The following RBM19 variants were observed in gnomAD, a reference collection of about 807,000 sequenced individuals.
RBM19 encodes the protein probable RNA-binding protein 19.
Under a neutral mutation model 116.8 loss-of-function variants are expected in RBM19, and 94 were observed. That is an observed-to-expected ratio of 0.80 (90% confidence interval 0.68 to 0.95). The LOEUF (loss-of-function observed/expected upper bound fraction) is 0.95. RBM19 is among the 40% of genes least tolerant of loss of function. RBM19 has a pLI of 0.00. For synonymous variants in RBM19, 475 were observed against 494.1 expected (o/e 0.96, Z 0.51); for missense variants, 1,161 against 1,220.7 (o/e 0.95, Z 0.73).
At chr12:113,947,499 C>T (rs371071250) in intron 10 of RBM19, 35 bp from the exon 11 acceptor site, 43 of 1,566,708 alleles carry the variant, frequency 2.7e-5, no homozygotes, top group Middle Eastern at 1.7e-4. Flanking sequence ...TCTGGTAGGC[C>T]GCAGCCACTT....
intron 21 of RBM19, among the ~76,000 whole-genome samples, chr12:113,909,539 G>A (rs1566010596): frequency 6.6e-6 from 1 of 152,182 alleles, no homozygotes; most frequent in Admixed American, 6.5e-5. Flanking sequence ...TGGCTGGAAG[G>A]CAACGTGAAC....
chr12:113,822,544 G>A lies in RBM19; in HGVS notation c.*680C>T, dbSNP rs1344416355. On this transcript the variant is annotated 3_prime_UTR_variant, in exon 24 of 24. Coordinates refer to ENST00000261741, the MANE Select transcript of RBM19 (RefSeq NM_016196.4). ...GGCTTCCCTGGGTGACTGAACCAGG[G>A]CTCGTGGTCCCAAGTGACGAGGATG... The A allele has an allele frequency of 6.6e-6, 1 of 152,178 alleles. No individual in the cohort carries two copies. Among genetic ancestry groups the A allele is most frequent in the African/African-American group, 2.4e-5 (1 of 41,416 alleles). The allele number at this position is 152,178 out of a possible 1,614,324, so 9.4% of individuals were successfully genotyped here. A position where few individuals can be genotyped will look rare whatever the true frequency, so the allele number is the denominator to read the frequency against.
chr12:113,862,623 G>C (rs1471062585), intron 21 of RBM19, among the ~76,000 whole-genome samples: 2 of 152,060 alleles, frequency 1.3e-5, no homozygotes, highest in Non-Finnish European at 2.9e-5. Flanking sequence ...TTGTCTCCTG[G>C]GAGCTGAGGC....
intron 21 of RBM19, among the ~76,000 whole-genome samples, chr12:113,894,142 C>T (rs1333131896): frequency 6.8e-6 from 1 of 146,450 alleles, no homozygotes; most frequent in Non-Finnish European, 1.5e-5. Context: ...ACATCTTTCC[C>T]CTTCCCCTGA....
chr12:113,829,933 C>T (rs1319104238), intron 23 of RBM19, among the ~76,000 whole-genome samples: 3 of 152,240 alleles, frequency 2.0e-5, no homozygotes, highest in East Asian at 3.9e-4. Context: ...ACTCCTCAGG[C>T]GCCTGCTGGC....
chr12:113,829,368 CTG>C (rs1875165787), intron 23 of RBM19, among the ~76,000 whole-genome samples: 1 of 152,152 alleles, frequency 6.6e-6, no homozygotes, highest in African/African-American at 2.4e-5. Context: ...GGGCAGGAGC[CTG>C]GGCCGCAGAC....
chr12:113,922,835 G>A (rs1868712610), intron 18 of RBM19, among the ~76,000 whole-genome samples: 1 of 152,130 alleles, frequency 6.6e-6, no homozygotes. Flanking sequence ...AGGTAACCAA[G>A]TTAAAATGAG....
rs763495164 is a variant in RBM19, at chr12:113,831,020, G to A, written c.2786-7699C>T. Among the ~76,000 whole-genome samples the A allele has an allele frequency of 1.6e-4, 24 of 152,306 alleles. No individual in the cohort carries two copies. The East Asian group carries it at 1.7e-3, about 11-fold the overall frequency. ...CTACAGGGAGGGCTATGCATTGTGC[G>A]TAAGGGGAAGCCCAGCCTTCGTATA... On this transcript the variant is annotated intron_variant, in intron 23 of 23. Transcript: ENST00000261741.
chr12:113,834,296 C>T (rs1347166880), intron 23 of RBM19, among the ~76,000 whole-genome samples: 1 of 152,164 alleles, frequency 6.6e-6, no homozygotes, highest in African/African-American at 2.4e-5. Context: ...GGCCTCCTAT[C>T]CAGGGAAGCT....
chr12:113,878,515 G>T (rs1053795628), intron 21 of RBM19, among the ~76,000 whole-genome samples: 5 of 152,100 alleles, frequency 3.3e-5, no homozygotes, highest in African/African-American at 1.2e-4. Flanking sequence ...GCCATCGCAG[G>T]CCCCAAGCGG....
chr12:113,868,351 C>T (rs762628898), intron 21 of RBM19, among the ~76,000 whole-genome samples: 2 of 152,096 alleles, frequency 1.3e-5, no homozygotes, highest in Non-Finnish European at 2.9e-5. Flanking sequence ...GTCTGCTGAA[C>T]CTGAATAGAG....
At chr12:113,899,471 T>A (rs1024217067) in intron 21 of RBM19, among the ~76,000 whole-genome samples, 1 of 152,172 alleles carries the variant, frequency 6.6e-6, no homozygotes, top group Non-Finnish European at 1.5e-5. Flanking sequence ...AGAGAACTCA[T>A]CAGACCAAGT....
chr12:113,826,947 T>G (rs1040904951), intron 23 of RBM19, among the ~76,000 whole-genome samples: 1 of 152,184 alleles, frequency 6.6e-6, no homozygotes, highest in Non-Finnish European at 1.5e-5. Flanking sequence ...CCAGCCTCCG[T>G]GCTCCTGGGC....
At chr12:113,932,533 G>C (rs145180373) in intron 16 of RBM19, 2 of 152,376 alleles carry the variant, frequency 1.3e-5, no homozygotes, top group African/African-American at 4.8e-5. Context: ...GCCAGCCAGT[G>C]CCAGGCGTCC....
intron 23 of RBM19, among the ~76,000 whole-genome samples, chr12:113,830,575 CG>C (rs1232420079): frequency 0.015 from 176 of 12,070 alleles, 1 homozygote; most frequent in African/African-American, 0.073. Context: ...GGCTGCGGGG[CG>C]GGGGGGGGGG....
chr12:113,908,507 C>T (rs1382646858), intron 21 of RBM19, among the ~76,000 whole-genome samples: 1 of 137,346 alleles, frequency 7.3e-6, no homozygotes, highest in Non-Finnish European at 1.5e-5. Context: ...GATCTCCAGA[C>T]ACCTGTTGTG....
At chr12:113,955,511 T>C (rs1226017456) in intron 6 of RBM19, among the ~76,000 whole-genome samples, 4 of 145,414 alleles carry the variant, frequency 2.8e-5, no homozygotes, top group South Asian at 4.4e-4. Flanking sequence ...GAAGGAGCCC[T>C]GAAGAACGGG....
intron 21 of RBM19, among the ~76,000 whole-genome samples, chr12:113,891,182 C>T (rs1880940066): frequency 2.0e-5 from 3 of 152,148 alleles, no homozygotes. Context: ...TCAGGATCCC[C>T]AGCAAGAGAA....
At chr12:113,924,387 T>C (rs1489968436) in intron 18 of RBM19, among the ~76,000 whole-genome samples, 1 of 152,168 alleles carries the variant, frequency 6.6e-6, no homozygotes, top group African/African-American at 2.4e-5. Context: ...CCTGATACCA[T>C]CCAGGGTCCT....
Sources: allele counts gnomAD v4.1 joint callset (sites outside exome capture counted in the v4.1 genomes callset), GRCh38; gene constraint gnomAD v4.1.1; transcripts MANE v1.5; gene names NCBI Gene and HGNC (gene_info 2026-07-23, HGNC 2026-07-21).